Variants in MYH10 observed in about 807,000 individuals in gnomAD.
MYH10 encodes myosin heavy chain 10, also known as myosin-10.
Under a neutral mutation model 257.8 loss-of-function variants are expected in MYH10, and 55 were observed. The observed-to-expected ratio is 0.21, with a 90% CI of 0.17 to 0.27. The LOEUF is 0.27. Among genes scored for constraint, MYH10 ranks in the 10% least tolerant of loss-of-function variants. The pLI, the probability that MYH10 is intolerant of heterozygous loss-of-function variation, is 1.00. For missense variants in MYH10, 1,631 were observed against 2,500.6 expected, an observed-to-expected ratio of 0.65 and a Z score of 7.42; for synonymous variants, 854 against 921.7, an observed-to-expected ratio of 0.93 and a Z score of 1.33.
At chr17:8,494,114 C>T (rs772252912) in intron 31 of MYH10, among the ~76,000 whole-genome samples, 22 of 152,186 alleles carry the variant, frequency 1.4e-4, no homozygotes, top group Non-Finnish European at 2.4e-4. Context: ...CGGCGCCATC[C>T]ACCCAGGGGC....
At chr17:8,521,931 A>C (rs2081666943) in intron 17 of MYH10, among the ~76,000 whole-genome samples, 1 of 152,216 alleles carries the variant, frequency 6.6e-6, no homozygotes, top group Non-Finnish European at 1.5e-5. Context: ...ACTCTTCTGA[A>C]AAGATAAATG....
Position 8,484,134 on chromosome 17 carries a change from C to G in MYH10, c.5175+4G>C. On this transcript the variant is annotated splice_donor_region_variant and intron_variant, in intron 37 of 42. Transcript: ENST00000360416. ...TTGAACAAATGGATAAGTAACAAAC[C>G]AACCTCCTGCAATTGAAGGATTTCT... is the stretch of plus-strand genomic sequence containing the variant. 1 of 1,579,246 alleles carries G rather than the reference C, an allele frequency of 6.3e-7. No individual in the cohort carries two copies. The highest frequency in any genetic ancestry group is 8.6e-7 in the Non-Finnish European group (1 of 1,167,688).
intron 2 of MYH10, among the ~76,000 whole-genome samples, chr17:8,612,314 A>G (rs930658841): frequency 1.3e-5 from 2 of 152,226 alleles, no homozygotes; most frequent in Admixed American, 6.5e-5. Flanking sequence ...TTTCAACTTA[A>G]TAACGATAAA....
intron 12 of MYH10, among the ~76,000 whole-genome samples, 187 bp downstream of exon 12, chr17:8,546,357 C>T (rs1289751452): frequency 6.6e-6 from 1 of 151,614 alleles, no homozygotes; most frequent in Admixed American, 6.6e-5. Flanking sequence ...CCGGCCCCGG[C>T]CCCTTTTAAA....
At position 8,490,182 on chromosome 17, in the gene MYH10, T is replaced by TA; in HGVS notation, c.4884+157dup. 1.6e-6 allele frequency: 1 copy of TA among 632,698 alleles called. No homozygotes were observed. The highest frequency in any genetic ancestry group is 2.7e-6 in the Non-Finnish European group (1 of 369,004). The allele number at this position is 632,698 out of a possible 1,614,324, so 39.2% of individuals were successfully genotyped here. A position where few individuals can be genotyped will look rare whatever the true frequency, so the allele number is the denominator to read the frequency against. On this transcript the variant is annotated intron_variant, in intron 35 of 42. Transcript: ENST00000360416. This position sits in a 1 kb window ranked among gnomAD's most constrained non-coding sequence, Gnocchi z 4.1. ...TAAACTAATTACAATAAAATTTAAATAATAAAATTCTCAAATGACCAAATA... is the reference window on the plus strand; with the variant it reads ...TAAACTAATTACAATAAAATTTAAATAAATAAAATTCTCAAATGACCAAATA...
Position 8,480,243 on chromosome 17 carries a change from C to G in MYH10, c.5464G>C (p.Glu1822Gln), listed in dbSNP as rs1357098058. The G allele has an allele frequency of 6.2e-7, 1 of 1,613,996 alleles. No homozygotes were observed. Among genetic ancestry groups the G allele is most frequent in the Non-Finnish European group, 8.5e-7 (1 of 1,180,042 alleles). Residue 1822 changes from glutamate to glutamine, a missense_variant, in exon 40 of 43, where the codon GAG (glutamate) becomes CAG (glutamine). By Grantham distance (29) the Glu-to-Gln change is conservative. Transcript: ENST00000360416. ...QKSDNARQQL[E>Q]RQNKELKAKL... is the part of the protein sequence containing the mutation. ...GCCTTCAGCTCCTTGTTCTGCCGCT[C>G]CAGTTGCTGGCGTGCATTGTCACTC...
rs775515042 is a variant in MYH10 at position 8,545,508 on chromosome 17, G to C, written c.1371C>G (p.Thr457=). The C allele has an allele frequency of 1.5e-5, 25 of 1,613,982 alleles. No homozygotes were observed. Among genetic ancestry groups the C allele is most frequent in the Non-Finnish European group, 2.1e-5 (25 of 1,180,036 alleles). ...VHRINKALDR[T]KRQGASFIGI... Reference sequence around the variant, plus strand: ...CAATGAAAGATGCTCCCTGACGTTTGGTCCTATCCAGAGCTTTATTGATGC... The same window carrying C: ...CAATGAAAGATGCTCCCTGACGTTTCGTCCTATCCAGAGCTTTATTGATGC... Residue 457 remains threonine (T), a synonymous_variant, in exon 13 of 43, where the codon ACC becomes ACG. Coordinates refer to ENST00000360416, the MANE Select transcript of MYH10 (RefSeq NM_001256012.3). The surrounding 1 kb of genome is among the most constrained non-coding windows in gnomAD (Gnocchi z 4.7).
In MYH10 at chr17:8,535,919, C is replaced by T; in HGVS notation, c.1618G>A (p.Gly540Ser). ...DLIERPANPP[G>S]VLALLDEECW... ...TCTTCATCCAAAAGGGCCAGTACAC[C>T]AGGAGGGTTCGCCTGATAATGACAG... is the stretch of plus-strand genomic sequence containing the variant. Residue 540 changes from glycine (G) to serine (S), a missense_variant, in exon 15 of 43, where the codon GGT becomes AGT. Gly to Ser is a moderately conservative substitution (Grantham distance 56). Transcript: ENST00000360416. The surrounding 1 kb of genome is among the most constrained non-coding windows in gnomAD (Gnocchi z 4.3). 1 of 1,613,460 alleles carries T rather than the reference C, an allele frequency of 6.2e-7. No individual in the cohort carries two copies. The highest frequency in any genetic ancestry group is 8.5e-7 in the Non-Finnish European group (1 of 1,179,732).
At chr17:8,489,743 A>ACACACACACACACC (rs1437818172) in intron 35 of MYH10, among the ~76,000 whole-genome samples, 197 of 150,252 alleles carry the variant, frequency 1.3e-3, no homozygotes, top group South Asian at 3.4e-3. Flanking sequence ...ACACACACAC[A>ACACACACACACACC]CACCCCAAAT....
rs749817641 is a variant in MYH10, at chr17:8,480,211, C to A, written c.5496G>T (p.Leu1832=). 3.1e-6 allele frequency: 5 copies of A among 1,614,038 alleles called. No homozygotes were observed. The highest frequency in any genetic ancestry group is 1.3e-5 in the African/African-American group (1 of 74,934). The part of the protein sequence containing the change: ...ERQNKELKAK[L]QELEGAVKSK... ...ACTTGACAGCACCCTCGAGTTCCTG[C>A]AGCTTGGCCTTCAGCTCCTTGTTCT... Residue 1832 remains leucine, a synonymous_variant, in exon 40 of 43, where the codon CTG becomes CTT. Coordinates refer to ENST00000360416, the MANE Select transcript of MYH10 (RefSeq NM_001256012.3).
chr17:8,622,391 G>A (rs2085500046), intron 2 of MYH10, among the ~76,000 whole-genome samples: 1 of 152,156 alleles, frequency 6.6e-6, no homozygotes, highest in African/African-American at 2.4e-5. Flanking sequence ...ACCCCAGCCA[G>A]CCTCAATCTT....
At chr17:8,537,064 C>T (rs1176637022) in intron 14 of MYH10, among the ~76,000 whole-genome samples, 1 of 152,158 alleles carries the variant, frequency 6.6e-6, no homozygotes, top group Non-Finnish European at 1.5e-5. Flanking sequence ...CTAGAGCTCA[C>T]CATTGTCTGG....
At chr17:8,601,976 T>G (rs1029558090) in intron 3 of MYH10, among the ~76,000 whole-genome samples, 1 of 38,664 alleles carries the variant, frequency 2.6e-5, no homozygotes, top group Admixed American at 4.2e-4. Context: ...AGAAACAGAA[T>G]CTTTTTTTTT....
chr17:8,601,630 T>C (rs1446823189), intron 3 of MYH10, among the ~76,000 whole-genome samples: 2 of 152,236 alleles, frequency 1.3e-5, no homozygotes, highest in East Asian at 1.9e-4. Flanking sequence ...TCAAATCTAC[T>C]GCTCTAGTTT....
rs2083464738 is a variant in MYH10, at chr17:8,575,286, A to G, written c.663+1357T>C. On this transcript the variant is annotated intron_variant, in intron 6 of 42. Transcript: ENST00000360416. ...TTAACAACAATGATTTATGTGTTCC[A>G]CAGGGAATTTGGAAAACCTAAATCT... Among the ~76,000 whole-genome samples the G allele has an allele frequency of 2.0e-5, 3 of 152,228 alleles. No individual in the cohort carries two copies. In the South Asian group the frequency reaches 6.2e-4, roughly 31 times the overall value.
intron 40 of MYH10, among the ~76,000 whole-genome samples, chr17:8,479,134 T>C (rs934799023): frequency 7.9e-5 from 12 of 152,166 alleles, no homozygotes; most frequent in Non-Finnish European, 1.5e-5. Flanking sequence ...TCACCTAAAC[T>C]TTTAGCCTGA....
intron 6 of MYH10, among the ~76,000 whole-genome samples, chr17:8,570,946 T>C (rs1272123825): frequency 1.3e-5 from 2 of 152,210 alleles, no homozygotes; most frequent in Non-Finnish European, 2.9e-5. Flanking sequence ...CCTACATCCA[T>C]TACAGCATGA....
intron 14 of MYH10, among the ~76,000 whole-genome samples, chr17:8,539,216 T>C (rs1189702890): frequency 6.6e-6 from 1 of 152,210 alleles, no homozygotes; most frequent in African/African-American, 2.4e-5. Context: ...TCCATCTTAC[T>C]TATTCTGTTA....
intron 6 of MYH10, among the ~76,000 whole-genome samples, chr17:8,571,649 G>A (rs757779993): frequency 6.0e-4 from 91 of 151,890 alleles, no homozygotes; most frequent in Non-Finnish European, 1.1e-3. Flanking sequence ...GGGTGTGGTG[G>A]CGGGTGCCTG....
Sources: gnomAD v4.1 joint callset for allele counts (sites outside exome capture counted in the v4.1 genomes callset) on GRCh38, gnomAD v4.1.1 for gene constraint, Gnocchi (gnomAD v3.1) non-coding constraint, MANE v1.5 for transcripts, NCBI Gene and HGNC (gene_info 2026-07-23, HGNC 2026-07-21) for gene names.